CLASP2: variants seen among roughly 807,000 people sequenced by gnomAD.
CLASP2 encodes cytoplasmic linker associated protein 2.
CLASP2 carries 47 observed loss-of-function variants against 194.4 expected under a neutral mutation model. The ratio of observed to expected loss-of-function variants is 0.24; its 90% CI spans 0.19 to 0.31. The LOEUF (loss-of-function observed/expected upper bound fraction) is 0.31. CLASP2 is among the 10% of genes least tolerant of loss of function. CLASP2 has a pLI of 1.00. For synonymous variants in CLASP2, 619 were observed against 633.5 expected (o/e 0.98, Z 0.34); for missense variants, 1,445 against 1,823.6 (o/e 0.79, Z 3.78).
At chr3:33,607,331 A>ATT in intron 15 of CLASP2, 53 bp downstream of exon 15, 1 of 1,216,542 alleles carries the variant, frequency 8.2e-7, no homozygotes, top group Non-Finnish European at 1.1e-6. Context: ...CTCCTAATAC[A>ATT]TTTTTTTTTA....
intron 8 of CLASP2, among the ~76,000 whole-genome samples, chr3:33,642,584 C>T (rs2081509873): frequency 6.6e-6 from 1 of 151,824 alleles, no homozygotes; most frequent in Non-Finnish European, 1.5e-5. Flanking sequence ...GTTGAATAAT[C>T]ATCTATCAGG....
At chr3:33,633,612 A>G (rs1212712315) in intron 8 of CLASP2, among the ~76,000 whole-genome samples, 1 of 152,194 alleles carries the variant, frequency 6.6e-6, no homozygotes, top group African/African-American at 2.4e-5. Flanking sequence ...AGATGTGAAT[A>G]TATATGTTTA....
In CLASP2 at chr3:33,559,641, T is replaced by C. The variant is rs180784742; in HGVS notation, c.2931-256A>G. Reference sequence around the variant, plus strand: ...CGGGAGCGGTGGCTCACGCTTGTATTCCCAGTACTTTGGGAGGCTGAGGCG... The same window carrying C: ...CGGGAGCGGTGGCTCACGCTTGTATCCCCAGTACTTTGGGAGGCTGAGGCG... On this transcript the variant is annotated intron_variant, in intron 28 of 38. Coordinates refer to ENST00000682230, the MANE Select transcript of CLASP2 (RefSeq NM_001365631.1). Among the ~76,000 whole-genome samples the C allele has an allele frequency of 1.6e-3, 251 of 152,360 alleles. 1 individual carries two copies. The highest frequency in any genetic ancestry group is 5.4e-3 in the African/African-American group (225 of 41,586).
Position 33,717,866 on chromosome 3 carries a change from CCCAGGTCCTCCT to C in CLASP2, c.125_136del (p.Glu42_Leu45del), listed in dbSNP as rs2093369700. On this transcript the variant is annotated inframe_deletion, in exon 1 of 39. Transcript: ENST00000682230. Reference sequence around the variant, plus strand: ...CGCGTCGACTGTCTTGCCTAGGCGGCCCAGGTCCTCCTCCAGGTCCGAGATGGCGCCGGGGGC... The same window carrying C: ...CGCGTCGACTGTCTTGCCTAGGCGGCCCAGGTCCGAGATGGCGCCGGGGGC... 1.3e-6 allele frequency: 2 copies of C among 1,563,494 alleles called. No homozygotes were observed. The highest frequency in any genetic ancestry group is 1.7e-6 in the Non-Finnish European group (2 of 1,154,672).
intron 32 of CLASP2, among the ~76,000 whole-genome samples, chr3:33,542,608 GAT>G (rs1239941633): frequency 6.0e-5 from 9 of 149,458 alleles, no homozygotes; most frequent in South Asian, 2.1e-4. Context: ...TCATATTTAT[GAT>G]ATATGACATG....
chr3:33,660,014 TCAAA>T (rs1443941785), intron 7 of CLASP2, among the ~76,000 whole-genome samples: 2 of 152,168 alleles, frequency 1.3e-5, no homozygotes, highest in Non-Finnish European at 2.9e-5. Flanking sequence ...AGCAACTGTT[TCAAA>T]CAGAGAAGCC....
intron 18 of CLASP2, among the ~76,000 whole-genome samples, chr3:33,600,135 T>C (rs887098531): frequency 1.3e-5 from 2 of 152,042 alleles, no homozygotes; most frequent in Admixed American, 1.3e-4. Flanking sequence ...AAACACAAGA[T>C]TGTGTTTTCT....
rs777540581 is a variant in CLASP2 at position 33,622,269 on chromosome 3, A to G, written c.1047T>C (p.Ile349=). The G allele has an allele frequency of 7.4e-6, 11 of 1,477,846 alleles. No homozygotes were observed. The highest frequency in any genetic ancestry group is 9.0e-6 in the Non-Finnish European group (10 of 1,110,280). 91.5% of individuals were successfully genotyped at this position (1,477,846 alleles called of 1,614,324 possible). ...WDQRANALKK[I]RSLLVAGAAQ... The stretch of plus-strand genomic sequence containing the variant: ...CAGCTCCAGCAACAAGCAGTGATCG[A>G]ATTTTCTTCAGCTGAAATAAAGAAT... The change falls in exon 11 of 39, where the codon ATT becomes ATC. Residue 349 remains isoleucine, a synonymous_variant. Transcript: ENST00000682230.
chr3:33,639,976 CATTCA>C (rs1159258563), intron 8 of CLASP2, among the ~76,000 whole-genome samples: 1 of 152,202 alleles, frequency 6.6e-6, no homozygotes, highest in Non-Finnish European at 1.5e-5. Context: ...TTGGGCACAT[CATTCA>C]ATGCTCTGAG....
At chr3:33,642,286 G>A (rs2081453797) in intron 8 of CLASP2, among the ~76,000 whole-genome samples, 1 of 151,752 alleles carries the variant, frequency 6.6e-6, no homozygotes, top group Non-Finnish European at 1.5e-5. Flanking sequence ...AGGAGAAAAG[G>A]CTCATGGCAA....
At chr3:33,659,576 T>C (rs2084929316) in intron 7 of CLASP2, 1 of 204,676 alleles carries the variant, frequency 4.9e-6, no homozygotes, top group Non-Finnish European at 8.6e-6. Context: ...CATGATTAAC[T>C]GCTCTCATTA....
intron 37 of CLASP2, 48 bp from the exon 38 acceptor site, chr3:33,501,816 G>C: frequency 8.5e-7 from 1 of 1,175,588 alleles, no homozygotes. Flanking sequence ...TCCACTGTTA[G>C]TACTCCCTTT....
intron 6 of CLASP2, among the ~76,000 whole-genome samples, chr3:33,665,729 G>A (rs374267148): frequency 2.2e-4 from 34 of 152,144 alleles, no homozygotes; most frequent in East Asian, 1.5e-3. Flanking sequence ...AATTTTCTAC[G>A]TGGCCCTCAC....
intron 29 of CLASP2, among the ~76,000 whole-genome samples, chr3:33,556,383 T>G (rs2060918357): frequency 6.6e-6 from 1 of 152,144 alleles, no homozygotes; most frequent in African/African-American, 2.4e-5. Flanking sequence ...CCAATATAAC[T>G]TTTCCCTGCT....
intron 23 of CLASP2, among the ~76,000 whole-genome samples, chr3:33,578,945 A>T (rs1252160480): frequency 6.6e-6 from 1 of 152,212 alleles, no homozygotes; most frequent in Non-Finnish European, 1.5e-5. Context: ...CTGCTGAATA[A>T]CAATATCCAG....
intron 13 of CLASP2, among the ~76,000 whole-genome samples, chr3:33,611,035 T>C (rs1297653619): frequency 6.6e-6 from 1 of 152,216 alleles, no homozygotes; most frequent in African/African-American, 2.4e-5. Flanking sequence ...TGAAGTCATT[T>C]GTGTTACAAC....
At chr3:33,618,734 A>C (rs2076629296) in intron 12 of CLASP2, among the ~76,000 whole-genome samples, 1 of 152,232 alleles carries the variant, frequency 6.6e-6, no homozygotes, top group African/African-American at 2.4e-5. Context: ...TAGCAAATAC[A>C]TTTGTATAGG....
chr3:33,682,418 T>C (rs1208513323), intron 6 of CLASP2, among the ~76,000 whole-genome samples: 1 of 152,172 alleles, frequency 6.6e-6, no homozygotes, highest in Non-Finnish European at 1.5e-5. Context: ...AAAAACTGGA[T>C]ACACACTGAT....
chr3:33,503,751 T>G (rs2154075435), intron 37 of CLASP2: 1 of 152,260 alleles, frequency 6.6e-6, no homozygotes. Context: ...TTTGAGGAAC[T>G]GCCAAACTGC....
Sources: allele counts gnomAD v4.1 joint callset (sites outside exome capture counted in the v4.1 genomes callset), GRCh38; gene constraint gnomAD v4.1.1; transcripts MANE v1.5; gene names NCBI Gene and HGNC (gene_info 2026-07-23, HGNC 2026-07-21).